Variants in CCDC7 observed in about 807,000 individuals in gnomAD.
The protein encoded by CCDC7 is coiled-coil domain-containing protein 7.
In CCDC7, 183 loss-of-function variants were observed where a neutral mutation model predicts 196.9. That is an observed-to-expected ratio of 0.93 (90% CI 0.82 to 1.05). The LOEUF is 1.05. Among genes scored for constraint, CCDC7 ranks in the 50% least tolerant of loss-of-function variants. The probability of loss-of-function intolerance (pLI) is 0.00; values close to 1 mark genes in which losing one functional copy is unlikely to be tolerated. For synonymous variants in CCDC7, 525 were observed against 484.6 expected, an observed-to-expected ratio of 1.08 and a Z score of -1.10; for missense variants, 1,540 against 1,482.2, an observed-to-expected ratio of 1.04 and a Z score of -0.64.
chr10:32,882,051 A>G (rs377743767), downstream of CCDC7, among the ~76,000 whole-genome samples: 2 of 152,204 alleles, frequency 1.3e-5, no homozygotes, highest in Non-Finnish European at 2.9e-5. Flanking sequence ...GACAAAGTCC[A>G]TAAGAGCCAG....
chr10:32,655,132 G>A (rs1465038476), intron 20 of CCDC7, among the ~76,000 whole-genome samples: 1 of 152,148 alleles, frequency 6.6e-6, no homozygotes, highest in Admixed American at 6.5e-5. Context: ...TGCTTTTGGG[G>A]ATCCTCAAAC....
intron 16 of CCDC7, among the ~76,000 whole-genome samples, chr10:32,573,678 T>C (rs1471501773): frequency 1.3e-5 from 2 of 152,160 alleles, no homozygotes; most frequent in Admixed American, 6.5e-5. Context: ...TACATCAAGA[T>C]TAAAAAAATC....
intron 18 of CCDC7, among the ~76,000 whole-genome samples, chr10:32,621,111 T>A (rs2063360240): frequency 6.6e-6 from 1 of 152,174 alleles, no homozygotes; most frequent in South Asian, 2.1e-4. Context: ...AGCAACCCTG[T>A]TGTTTTCAAG....
intron 28 of CCDC7, among the ~76,000 whole-genome samples, chr10:32,749,491 TG>T (rs1223104535): frequency 1.3e-5 from 2 of 152,186 alleles, no homozygotes; most frequent in Admixed American, 6.5e-5. Context: ...GGTATATCTA[TG>T]AAATAGCAGA....
intron 32 of CCDC7, among the ~76,000 whole-genome samples, chr10:32,829,250 G>T (rs1470855074): frequency 6.6e-6 from 1 of 152,158 alleles, no homozygotes. Flanking sequence ...ATGAAGGTTT[G>T]GGTCACTCCA....
intron 13 of CCDC7, among the ~76,000 whole-genome samples, chr10:32,552,284 C>A (rs1025647404): frequency 2.0e-5 from 3 of 152,012 alleles, no homozygotes; most frequent in Admixed American, 2.0e-4. Context: ...TAAGTTTATG[C>A]GAGTCCTTAT....
intron 29 of CCDC7, among the ~76,000 whole-genome samples, chr10:32,793,716 A>G (rs1210206804): frequency 3.3e-5 from 5 of 152,182 alleles, no homozygotes; most frequent in African/African-American, 7.2e-5. Context: ...TGTTAATACA[A>G]TTTCCAAGGT....
At chr10:32,750,822 A>C (rs945756862) in intron 28 of CCDC7, among the ~76,000 whole-genome samples, 3 of 152,188 alleles carry the variant, frequency 2.0e-5, no homozygotes, top group African/African-American at 7.2e-5. Flanking sequence ...TCAGGTGATG[A>C]AAATGTGTCT....
At chr10:32,466,245 T>G (rs1271969355) in intron 5 of CCDC7, among the ~76,000 whole-genome samples, 2 of 108,374 alleles carry the variant, frequency 1.8e-5, no homozygotes, top group African/African-American at 5.9e-5. Context: ...TTTCAAGGAG[T>G]GTTTCTCTCT....
At chr10:32,862,012 T>A (rs1040543153) in intron 41 of CCDC7, among the ~76,000 whole-genome samples, 2 of 152,170 alleles carry the variant, frequency 1.3e-5, no homozygotes, top group African/African-American at 2.4e-5. Context: ...CTGTGGTGAT[T>A]CCTCAAGAAT....
chr10:32,647,098 A>C (rs2067898977), intron 20 of CCDC7, among the ~76,000 whole-genome samples: 1 of 152,194 alleles, frequency 6.6e-6, no homozygotes, highest in Non-Finnish European at 1.5e-5. Context: ...GTATATACCC[A>C]GTAATGGGAC....
intron 5 of CCDC7, among the ~76,000 whole-genome samples, chr10:32,465,123 T>TA (rs35872511): frequency 0.76 from 114,955 of 150,344 alleles, 45,802 homozygotes; most frequent in Non-Finnish European, 0.88. Flanking sequence ...TTTTTTTTTT[T>TA]AAAGTATTCA....
chr10:32,678,671 C>G (rs2075393339), intron 21 of CCDC7, among the ~76,000 whole-genome samples: 1 of 152,134 alleles, frequency 6.6e-6, no homozygotes, highest in Admixed American at 6.6e-5. Flanking sequence ...CAGGTTATAC[C>G]ATAACAGGCT....
intron 24 of CCDC7, among the ~76,000 whole-genome samples, chr10:32,703,288 G>T (rs1195856713): frequency 2.0e-5 from 3 of 152,022 alleles, no homozygotes; most frequent in African/African-American, 7.2e-5. Context: ...TAGTTTGGCT[G>T]GATATGAAAT....
intron 11 of CCDC7, among the ~76,000 whole-genome samples, chr10:32,522,084 T>G (rs572616492): frequency 7.9e-5 from 12 of 152,252 alleles, no homozygotes; most frequent in African/African-American, 2.9e-4. Context: ...TTTGTTAGAG[T>G]TTTGTTGAGA....
chr10:32,748,491 CT>C (rs929061202), intron 28 of CCDC7, among the ~76,000 whole-genome samples: 11 of 152,090 alleles, frequency 7.2e-5, no homozygotes, highest in Admixed American at 5.9e-4. Context: ...TGTCTCTTCA[CT>C]TTTTTTTGTC....
chr10:32,849,701 CAA>C (rs34677799), intron 39 of CCDC7, among the ~76,000 whole-genome samples: 183 of 80,806 alleles, frequency 2.3e-3, no homozygotes, highest in African/African-American at 7.3e-3. Context: ...GACTCCGTCT[CAA>C]AAAAAAAAAA....
chr10:32,606,667 T>A lies in CCDC7; in HGVS notation c.1801+22363T>A, dbSNP rs370721950. The stretch of plus-strand genomic sequence containing the variant: ...TAACTGCCCTGATGGGTTTCAGATT[T>A]GTATGGGGCCTGTCATCCTTCTCTT... On this transcript the variant is annotated intron_variant, in intron 18 of 41. Transcript: ENST00000639629. Among the ~76,000 whole-genome samples the A allele has an allele frequency of 4.7e-4, 72 of 152,320 alleles. 1 individual carries two copies. Among genetic ancestry groups the A allele is most frequent in the East Asian group, 2.3e-3 (12 of 5,180 alleles).
At chr10:32,708,164 A>G (rs1157735845) in intron 24 of CCDC7, among the ~76,000 whole-genome samples, 1 of 150,618 alleles carries the variant, frequency 6.6e-6, no homozygotes, top group Non-Finnish European at 1.5e-5. Flanking sequence ...CAGAAATAAT[A>G]CCACACATCT....
Sources: gnomAD v4.1 joint callset for allele counts (sites outside exome capture counted in the v4.1 genomes callset) on GRCh38, gnomAD v4.1.1 for gene constraint, MANE v1.5 for transcripts, NCBI Gene and HGNC (gene_info 2026-07-23, HGNC 2026-07-21) for gene names.